VSNL1: variants seen among roughly 807,000 people sequenced by gnomAD.
VSNL1 encodes the protein visinin-like protein 1.
A neutral mutation model predicts 20.4 loss-of-function variants in VSNL1; 6 were observed. The observed-to-expected ratio is 0.29, with a 90% CI of 0.16 to 0.58. The LOEUF is 0.58. VSNL1 is among the 20% of genes least tolerant of loss of function. The pLI is 0.90. For missense variants in VSNL1, 100 were observed against 234.5 expected, an observed-to-expected ratio of 0.43 and a Z score of 3.75; for synonymous variants, 93 against 86.4, an observed-to-expected ratio of 1.08 and a Z score of -0.42.
intron 2 of VSNL1, among the ~76,000 whole-genome samples, chr2:17,626,726 A>C (rs1665517297): frequency 6.6e-6 from 1 of 152,226 alleles, no homozygotes. Context: ...TGAAGTTAGA[A>C]TGAAGTGCTT....
chr2:17,549,231 C>G (rs1663470730), intron 1 of VSNL1, among the ~76,000 whole-genome samples: 1 of 152,140 alleles, frequency 6.6e-6, no homozygotes, highest in African/African-American at 2.4e-5. Context: ...ATACACACAA[C>G]ACATGTTGCA....
intron 1 of VSNL1, among the ~76,000 whole-genome samples, 197 bp from the exon 2 acceptor site, chr2:17,591,873 A>G (rs1003753805): frequency 1.3e-5 from 2 of 152,008 alleles, no homozygotes; most frequent in Admixed American, 6.6e-5. Context: ...CAGCCCTTGG[A>G]ACTGTCAGAA....
At chr2:17,650,070 T>A (rs1666092072) in intron 3 of VSNL1, among the ~76,000 whole-genome samples, 1 of 152,140 alleles carries the variant, frequency 6.6e-6, no homozygotes, top group South Asian at 2.1e-4. Flanking sequence ...AACCCAGGAT[T>A]CCTCTGCCAC....
In VSNL1 at chr2:17,586,000, G is replaced by C. The variant is rs553458646; in HGVS notation, c.-5-6070G>C. Among the ~76,000 whole-genome samples the C allele has an allele frequency of 3.3e-5, 5 of 152,038 alleles. No individual in the cohort carries two copies. The South Asian group carries it at 8.3e-4, about 25-fold the overall frequency. On this transcript the variant is annotated intron_variant, in intron 1 of 3. Coordinates refer to ENST00000295156, the MANE Select transcript of VSNL1 (RefSeq NM_003385.5). Reference sequence around the variant, plus strand: ...ATTTTTATATTTTCAGTAGAGACAGGGTTTCACCATGTTGGCCAGGCTGGT... The same window carrying C: ...ATTTTTATATTTTCAGTAGAGACAGCGTTTCACCATGTTGGCCAGGCTGGT...
intron 1 of VSNL1, 124 bp from the exon 2 acceptor site, chr2:17,591,946 T>C: frequency 1.0e-6 from 1 of 961,514 alleles, no homozygotes; most frequent in Non-Finnish European, 1.6e-6. Flanking sequence ...CTTGGGAAGA[T>C]ATGCATCAGC....
chr2:17,577,409 A>G (rs574448004), intron 1 of VSNL1, among the ~76,000 whole-genome samples: 2 of 152,246 alleles, frequency 1.3e-5, no homozygotes, highest in East Asian at 3.9e-4. Context: ...GTCACTTATA[A>G]ATTATATTTC....
intron 1 of VSNL1, among the ~76,000 whole-genome samples, chr2:17,586,454 G>A (rs1163698925): frequency 6.6e-6 from 1 of 152,204 alleles, no homozygotes; most frequent in African/African-American, 2.4e-5. Flanking sequence ...ACCGGTGACA[G>A]GTGAAGGTGC....
rs1482306384 is a variant in VSNL1, at chr2:17,622,882, C to T, written c.163-26528C>T. Among the ~76,000 whole-genome samples, 3 of 152,238 alleles carry T rather than the reference C, an allele frequency of 2.0e-5. No homozygotes were observed. The East Asian group carries it at 5.8e-4, about 29-fold the overall frequency. The stretch of plus-strand genomic sequence containing the variant: ...TCCTCCCTGCTGCAAACGGCGTGAA[C>T]TTCCAGCTGGTCCTCCCAGTGCACA... On this transcript the variant is annotated intron_variant, in intron 2 of 3. Coordinates refer to ENST00000295156, the MANE Select transcript of VSNL1 (RefSeq NM_003385.5).
chr2:17,574,729 C>T (rs1364663664), intron 1 of VSNL1, among the ~76,000 whole-genome samples: 1 of 152,132 alleles, frequency 6.6e-6, no homozygotes, highest in African/African-American at 2.4e-5. Flanking sequence ...AGAGCCTTGC[C>T]ACTTATGGAA....
intron 2 of VSNL1, among the ~76,000 whole-genome samples, chr2:17,622,212 CAAA>C (rs60417092): frequency 2.2e-5 from 3 of 134,556 alleles, no homozygotes; most frequent in Non-Finnish European, 3.2e-5. Flanking sequence ...GACTCTATCT[CAAA>C]AAAAAAAAAA....
chr2:17,621,312 CCTTTTCTTTTCT>C (rs201337005), intron 2 of VSNL1, among the ~76,000 whole-genome samples: 1 of 143,890 alleles, frequency 6.9e-6, no homozygotes, highest in Non-Finnish European at 1.5e-5. Flanking sequence ...CTTTCTTTCT[CCTTTTCTTTTCT>C]CTTTTCTTTT....
Position 17,655,067 on chromosome 2 carries a change from A to T in VSNL1, c.379-130A>T, listed in dbSNP as rs1666198039. The T allele has an allele frequency of 1.1e-6, 1 of 870,484 alleles. No individual in the cohort carries two copies. Among genetic ancestry groups the T allele is most frequent in the African/African-American group, 1.7e-5 (1 of 58,676 alleles). 53.9% of individuals were successfully genotyped at this position (870,484 alleles called of 1,614,324 possible). On this transcript the variant is annotated intron_variant, in intron 3 of 3. Transcript: ENST00000295156. The surrounding 1 kb of genome is among the most constrained non-coding windows in gnomAD (Gnocchi z 5.2). Reference sequence around the variant, plus strand: ...AGAAACTTGCAGCACAAGGAGTGAAACTCCTCTGGGGAAAGGGAAGCTGAG... The same window carrying T: ...AGAAACTTGCAGCACAAGGAGTGAATCTCCTCTGGGGAAAGGGAAGCTGAG...
intron 2 of VSNL1, among the ~76,000 whole-genome samples, chr2:17,637,760 C>A (rs1371872430): frequency 6.6e-6 from 1 of 152,242 alleles, no homozygotes; most frequent in African/African-American, 2.4e-5. Flanking sequence ...CTCTGGCCCA[C>A]ACCAGTGAGA....
chr2:17,583,961 T>G (rs1043409443), intron 1 of VSNL1, among the ~76,000 whole-genome samples: 1 of 152,198 alleles, frequency 6.6e-6, no homozygotes, highest in Non-Finnish European at 1.5e-5. Flanking sequence ...TAGTTACTGT[T>G]TTTTGGACAC....
rs1240273875 is a variant in VSNL1, at chr2:17,649,283, A to C, written c.163-127A>C. ...CCCTTGCCCTTGACAGTCAGGCCAA[A>C]CTGCTCTCCAATGGGTGAGGCTCCG... is the stretch of plus-strand genomic sequence containing the variant. On this transcript the variant is annotated intron_variant, in intron 2 of 3. Coordinates refer to ENST00000295156, the MANE Select transcript of VSNL1 (RefSeq NM_003385.5). The surrounding 1 kb of genome is among the most constrained non-coding windows in gnomAD (Gnocchi z 6.4). 2.2e-6 allele frequency: 2 copies of C among 894,414 alleles called. No homozygotes were observed. Among genetic ancestry groups the C allele is most frequent in the Non-Finnish European group, 3.6e-6 (2 of 561,886 alleles). The allele number at this position is 894,414 out of a possible 1,614,324, so 55.4% of individuals were successfully genotyped here.
At chr2:17,563,375 C>T (rs1663862724) in intron 1 of VSNL1, among the ~76,000 whole-genome samples, 1 of 152,110 alleles carries the variant, frequency 6.6e-6, no homozygotes, top group Non-Finnish European at 1.5e-5. Context: ...TTCATTGTAG[C>T]TGGGGGTGTT....
At chr2:17,633,907 C>G (rs1029935713) in intron 2 of VSNL1, among the ~76,000 whole-genome samples, 2 of 152,118 alleles carry the variant, frequency 1.3e-5, no homozygotes, top group African/African-American at 4.8e-5. Context: ...CTAACAGGAG[C>G]TAGCAAGAAG....
intron 2 of VSNL1, among the ~76,000 whole-genome samples, chr2:17,606,169 C>G (rs903493728): frequency 6.6e-6 from 1 of 152,178 alleles, no homozygotes; most frequent in Non-Finnish European, 1.5e-5. Context: ...TGATGGAGAT[C>G]TCAGGTGATC....
chr2:17,604,728 G>C (rs1349794412), intron 2 of VSNL1, among the ~76,000 whole-genome samples: 2 of 152,210 alleles, frequency 1.3e-5, no homozygotes, highest in Non-Finnish European at 2.9e-5. Flanking sequence ...TGGTCTGAAA[G>C]CAAAGACAAA....
Sources: gnomAD v4.1 joint callset for allele counts (sites outside exome capture counted in the v4.1 genomes callset) on GRCh38, gnomAD v4.1.1 for gene constraint, Gnocchi (gnomAD v3.1) non-coding constraint, MANE v1.5 for transcripts, NCBI Gene and HGNC (gene_info 2026-07-23, HGNC 2026-07-21) for gene names.